Variants in ADORA2B observed in about 807,000 individuals in gnomAD.
The protein encoded by ADORA2B is adenosine A2b receptor.
A neutral mutation model predicts 20.8 loss-of-function variants in ADORA2B; 18 were observed. That is an observed-to-expected ratio of 0.87 (90% CI 0.60 to 1.29). The LOEUF (loss-of-function observed/expected upper bound fraction) is 1.29. ADORA2B is among the 50% of genes most tolerant of loss of function. The pLI is 0.00. For missense variants in ADORA2B, 441 were observed against 422.7 expected (o/e 1.04, Z -0.38); for synonymous variants, 179 against 178.3 (o/e 1.00, Z -0.03).
chr17:15,955,572 G>A (rs1464534387), intron 1 of ADORA2B, among the ~76,000 whole-genome samples: 1 of 151,698 alleles, frequency 6.6e-6, no homozygotes, highest in African/African-American at 2.4e-5. Context: ...AAGTCCGGCT[G>A]TATTTTGTAT....
upstream of ADORA2B, among the ~76,000 whole-genome samples, chr17:15,944,455 C>G (rs1028946191): frequency 6.6e-6 from 1 of 152,068 alleles, no homozygotes; most frequent in Non-Finnish European, 1.5e-5. The surrounding 1 kb of genome is among the most constrained non-coding windows in gnomAD (Gnocchi z 4.8). Context: ...GGGCGGTGGA[C>G]GAGGATGGGA....
At chr17:15,887,560 T>C in the ADORA2B span, among the ~76,000 whole-genome samples, 1 of 129,960 alleles carries the variant, frequency 7.7e-6, no homozygotes, top group Non-Finnish European at 1.6e-5. Context: ...GAAGACACAG[T>C]GGAAACAGCT....
chr17:15,920,476 A>C, the ADORA2B span, among the ~76,000 whole-genome samples: 1 of 152,222 alleles, frequency 6.6e-6, no homozygotes, highest in Admixed American at 6.5e-5. Flanking sequence ...TAATCCCAGC[A>C]CTTTGGGAGG....
chr17:15,895,963 G>T, the ADORA2B span, among the ~76,000 whole-genome samples: 1 of 152,162 alleles, frequency 6.6e-6, no homozygotes, highest in African/African-American at 2.4e-5. Flanking sequence ...AAGCAGAAAT[G>T]TTTGCAACTC....
At chr17:15,924,739 C>T in the ADORA2B span, among the ~76,000 whole-genome samples, 3 of 121,066 alleles carry the variant, frequency 2.5e-5, no homozygotes, top group Admixed American at 2.4e-4. Flanking sequence ...GACTCCATCT[C>T]AAAAAAAAAA....
chr17:15,903,650 T>C, the ADORA2B span, among the ~76,000 whole-genome samples: 1 of 152,208 alleles, frequency 6.6e-6, no homozygotes, highest in African/African-American at 2.4e-5. Context: ...TTTGGAAAAT[T>C]ATTGGGTGAA....
chr17:15,881,515 A>G, the ADORA2B span, among the ~76,000 whole-genome samples: 1 of 152,214 alleles, frequency 6.6e-6, no homozygotes, highest in African/African-American at 2.4e-5. Flanking sequence ...AGTCATCACT[A>G]CTTTCTATTT....
the ADORA2B span, among the ~76,000 whole-genome samples, chr17:15,891,123 G>A: frequency 2.6e-5 from 4 of 152,106 alleles, no homozygotes; most frequent in Admixed American, 2.0e-4. Context: ...AAAATTAGCC[G>A]GGCGTGGTGG....
the ADORA2B span, among the ~76,000 whole-genome samples, chr17:15,926,368 A>C: frequency 7.6e-4 from 115 of 152,080 alleles, 1 homozygote; most frequent in Non-Finnish European, 1.1e-3. Context: ...AGGCAAGGAA[A>C]GAAGAGCCAG....
chr17:15,937,133 T>C, the ADORA2B span, among the ~76,000 whole-genome samples: 1 of 152,226 alleles, frequency 6.6e-6, no homozygotes, highest in Non-Finnish European at 1.5e-5. Context: ...AAGCACAACA[T>C]TTAAAATAAT....
chr17:15,876,416 TTTTTTTTTCTTTC>T, the ADORA2B span, among the ~76,000 whole-genome samples: 2 of 127,624 alleles, frequency 1.6e-5, no homozygotes, highest in African/African-American at 9.0e-5. Flanking sequence ...CTTAAGGTCT[TTTTTTTTTCTTTC>T]TTTCTTTCTT....
intron 1 of ADORA2B, 103 bp from the exon 2 acceptor site, chr17:15,974,576 T>C (rs1449722370): frequency 8.7e-6 from 9 of 1,030,026 alleles, no homozygotes; most frequent in South Asian, 3.2e-5. Context: ...AGGTGAACTT[T>C]AGAGGTTGTT....
At chr17:15,928,517 G>A in the ADORA2B span, among the ~76,000 whole-genome samples, 1 of 152,134 alleles carries the variant, frequency 6.6e-6, no homozygotes, top group Admixed American at 6.6e-5. Flanking sequence ...AGCCGGTGCA[G>A]CTGTACAAGG....
At position 15,975,068 on chromosome 17, in the gene ADORA2B, T is replaced by C; in HGVS notation, c.725T>C (p.Ile242Thr). The C allele has an allele frequency of 1.2e-6, 2 of 1,613,880 alleles. No individual in the cohort carries two copies. The highest frequency in any genetic ancestry group is 2.2e-5 in the South Asian group (2 of 91,060). The change falls in exon 2 of 2, where the codon ATT becomes ACT. Residue 242 changes from isoleucine to threonine, a missense_variant. Coordinates refer to ENST00000304222, the MANE Select transcript of ADORA2B (RefSeq NM_000676.4). ...AAKSLAMIVGIFALCWLPVHA... is the reference protein window; with the variant it reads ...AAKSLAMIVGTFALCWLPVHA... ...AAGTCACTGGCCATGATTGTGGGGA[T>C]TTTTGCCCTGTGCTGGTTACCTGTG... is the stretch of plus-strand genomic sequence containing the variant.
intron 1 of ADORA2B, among the ~76,000 whole-genome samples, chr17:15,958,416 G>A (rs1403719342): frequency 2.6e-5 from 4 of 152,140 alleles, no homozygotes; most frequent in African/African-American, 7.2e-5. Flanking sequence ...TGGTCTCTCC[G>A]CATCCATCCT....
At chr17:15,955,158 T>C (rs892250477) in intron 1 of ADORA2B, among the ~76,000 whole-genome samples, 1 of 152,198 alleles carries the variant, frequency 6.6e-6, no homozygotes, top group Non-Finnish European at 1.5e-5. Context: ...GGATTTTTTT[T>C]CAACCAAACA....
the ADORA2B span, among the ~76,000 whole-genome samples, chr17:15,940,064 A>T: frequency 6.6e-6 from 1 of 152,198 alleles, no homozygotes; most frequent in East Asian, 1.9e-4. Context: ...CACCCACTTT[A>T]CTTCTGAAAC....
the ADORA2B span, among the ~76,000 whole-genome samples, chr17:15,932,156 G>T: frequency 1.3e-5 from 2 of 152,096 alleles, no homozygotes; most frequent in African/African-American, 4.8e-5. Context: ...GAAGTTCAGT[G>T]TATCTAATTT....
chr17:15,965,041 C>T lies in ADORA2B; in HGVS notation c.336-9638C>T, dbSNP rs574935378. On this transcript the variant is annotated intron_variant, in intron 1 of 1. Coordinates refer to ENST00000304222, the MANE Select transcript of ADORA2B (RefSeq NM_000676.4). ...TGCCACTGCGCTCCAGCCTGGGCGA[C>T]GGAGCTAGACTCTGTCTCAAAAACA... is the stretch of plus-strand genomic sequence containing the variant. Among the ~76,000 whole-genome samples, 11 of 150,918 alleles carry T rather than the reference C, an allele frequency of 7.3e-5. No homozygotes were observed. The East Asian group carries it at 7.8e-4, about 11-fold the overall frequency.
Sources: gnomAD v4.1 joint callset for allele counts (sites outside exome capture counted in the v4.1 genomes callset) on GRCh38, gnomAD v4.1.1 for gene constraint, Gnocchi (gnomAD v3.1) non-coding constraint, MANE v1.5 for transcripts, NCBI Gene and HGNC (gene_info 2026-07-23, HGNC 2026-07-21) for gene names.